Variants in STIM2 observed in about 807,000 individuals in gnomAD.
The protein encoded by STIM2 is stromal interaction molecule 2.
STIM2 carries 31 observed loss-of-function variants against 85.8 expected under a neutral mutation model. The observed-to-expected ratio is 0.36, with a 90% CI of 0.27 to 0.49. The LOEUF is 0.49. Among genes scored for constraint, STIM2 ranks in the 20% least tolerant of loss-of-function variants. The pLI is 0.98. For missense variants in STIM2, 841 were observed against 927.6 expected (o/e 0.91, Z 1.21); for synonymous variants, 356 against 331.1 (o/e 1.08, Z -0.82).
intron 3 of STIM2, among the ~76,000 whole-genome samples, chr4:26,990,251 A>C (rs1727717327): frequency 6.6e-6 from 1 of 152,166 alleles, no homozygotes; most frequent in South Asian, 2.1e-4. Context: ...CCGGCATAAA[A>C]ACAGACACAT....
chr4:26,883,663 T>G (rs1723106119), intron 1 of STIM2, among the ~76,000 whole-genome samples: 1 of 152,194 alleles, frequency 6.6e-6, no homozygotes, highest in East Asian at 1.9e-4. Flanking sequence ...AATTGTATAA[T>G]TAAAATAAGA....
At chr4:26,890,307 A>C (rs1723416132) in intron 1 of STIM2, among the ~76,000 whole-genome samples, 1 of 152,138 alleles carries the variant, frequency 6.6e-6, no homozygotes, top group South Asian at 2.1e-4. Flanking sequence ...GCATTTGTAC[A>C]ACTTCTTCAT....
intron 1 of STIM2, among the ~76,000 whole-genome samples, chr4:26,877,427 CAT>C (rs1722852787): frequency 6.6e-6 from 1 of 151,746 alleles, no homozygotes. Flanking sequence ...ATTTATGAAT[CAT>C]AGTTATTTTA....
At chr4:27,005,062 T>A (rs1260569139) in intron 7 of STIM2, among the ~76,000 whole-genome samples, 1 of 152,252 alleles carries the variant, frequency 6.6e-6, no homozygotes. Flanking sequence ...CTTATACTGC[T>A]ATTAAAAGCT....
At chr4:26,992,427 A>G (rs1411863019) in intron 3 of STIM2, among the ~76,000 whole-genome samples, 1 of 152,070 alleles carries the variant, frequency 6.6e-6, no homozygotes, top group Non-Finnish European at 1.5e-5. Context: ...GGGATTAATA[A>G]TCAGGGGCTG....
chr4:26,884,355 A>G (rs1723132964), intron 1 of STIM2, among the ~76,000 whole-genome samples: 1 of 152,228 alleles, frequency 6.6e-6, no homozygotes, highest in Admixed American at 6.5e-5. Context: ...TGTTTAGTAC[A>G]GTGTTTGCCA....
At position 26,861,317 on chromosome 4, in the gene STIM2, T is replaced by C. The variant is rs1722174902; in HGVS notation, c.99T>C (p.Thr33=). Residue 33 remains threonine, a synonymous_variant, in exon 1 of 12, where the codon ACT becomes ACC. Transcript: ENST00000467087. ...GGCGGGCGACTGGCTCTGCCGCAAC[T>C]GCCGCCTCCTCTCCCGCCGCGGCGG... is the stretch of plus-strand genomic sequence containing the variant. The C allele has an allele frequency of 7.8e-6, 11 of 1,410,228 alleles. No individual in the cohort carries two copies. Among genetic ancestry groups the C allele is most frequent in the Non-Finnish European group, 9.2e-6 (10 of 1,085,664 alleles). 87.4% of individuals were successfully genotyped at this position (1,410,228 alleles called of 1,614,324 possible). A position where few individuals can be genotyped will look rare whatever the true frequency, so the allele number is the denominator to read the frequency against.
intron 11 of STIM2, chr4:27,021,312 G>A: frequency 2.3e-6 from 1 of 435,668 alleles, no homozygotes; most frequent in Admixed American, 3.4e-5. Context: ...AAGTTTTGGG[G>A]TTGCAAACAA....
At chr4:26,944,968 GT>G (rs1725758994) in intron 2 of STIM2, among the ~76,000 whole-genome samples, 1 of 152,190 alleles carries the variant, frequency 6.6e-6, no homozygotes, top group African/African-American at 2.4e-5. Flanking sequence ...AGGAGTACAT[GT>G]GCAGGATGTG....
chr4:26,966,047 G>GT (rs1370566816), intron 3 of STIM2, among the ~76,000 whole-genome samples: 2 of 152,068 alleles, frequency 1.3e-5, no homozygotes, highest in Non-Finnish European at 2.9e-5. Context: ...CCTTATTATG[G>GT]TTTTCTATAC....
intron 10 of STIM2, among the ~76,000 whole-genome samples, chr4:27,013,531 G>T (rs1052417871): frequency 1.3e-5 from 2 of 151,866 alleles, no homozygotes; most frequent in Non-Finnish European, 2.9e-5. Context: ...TTTTAGAGAG[G>T]CAGCAATATA....
chr4:26,901,916 G>A (rs905060190), intron 1 of STIM2, among the ~76,000 whole-genome samples: 2 of 152,182 alleles, frequency 1.3e-5, no homozygotes, highest in African/African-American at 4.8e-5. Context: ...TGCATAAAAT[G>A]TTATTAAGAG....
intron 11 of STIM2, chr4:27,019,319 A>G (rs997825021): frequency 2.8e-6 from 2 of 721,036 alleles, no homozygotes; most frequent in African/African-American, 1.8e-5. Flanking sequence ...TGCAGGCTTT[A>G]TATCTTCATT....
chr4:26,983,905 A>G (rs932728692), intron 3 of STIM2, among the ~76,000 whole-genome samples: 1 of 152,224 alleles, frequency 6.6e-6, no homozygotes, highest in Non-Finnish European at 1.5e-5. Flanking sequence ...AGGAATTCCA[A>G]GTTGCCTACA....
chr4:27,009,363 A>C (rs1386640046), intron 10 of STIM2, among the ~76,000 whole-genome samples: 5 of 152,196 alleles, frequency 3.3e-5, no homozygotes, highest in Admixed American at 3.3e-4. Context: ...ATGAGGAGTC[A>C]TATAAAAACA....
chr4:26,898,078 T>G (rs977504994), intron 1 of STIM2, among the ~76,000 whole-genome samples: 2 of 152,204 alleles, frequency 1.3e-5, no homozygotes, highest in Non-Finnish European at 2.9e-5. Flanking sequence ...CAAACATGTA[T>G]TTTAAAAAAT....
At chr4:26,998,776 G>A (rs774246016) in intron 4 of STIM2, among the ~76,000 whole-genome samples, 7 of 151,980 alleles carry the variant, frequency 4.6e-5, no homozygotes, top group African/African-American at 1.7e-4. Flanking sequence ...CCCAGGCGTG[G>A]TGGCACGTGC....
chr4:26,991,524 A>G (rs765966190), intron 3 of STIM2, among the ~76,000 whole-genome samples: 6 of 152,144 alleles, frequency 3.9e-5, no homozygotes, highest in African/African-American at 9.7e-5. Flanking sequence ...TAGGGAAATT[A>G]AAGTTAACAG....
At chr4:26,915,941 A>G (rs1054835220) in intron 1 of STIM2, among the ~76,000 whole-genome samples, 2 of 152,222 alleles carry the variant, frequency 1.3e-5, no homozygotes, top group African/African-American at 2.4e-5. Context: ...AAGATGTACT[A>G]GTATGGAGTA....
Sources: allele counts gnomAD v4.1 joint callset (sites outside exome capture counted in the v4.1 genomes callset), GRCh38; gene constraint gnomAD v4.1.1; transcripts MANE v1.5; gene names NCBI Gene and HGNC (gene_info 2026-07-23, HGNC 2026-07-21).